The following CLEC4G variants were observed in gnomAD, a reference collection of about 807,000 sequenced individuals.
CLEC4G encodes C-type lectin superfamily 4, member G.
CLEC4G carries 34 observed loss-of-function variants against 37.0 expected under a neutral mutation model. That is an observed-to-expected ratio of 0.92 (90% CI 0.70 to 1.22). The LOEUF (loss-of-function observed/expected upper bound fraction) is 1.22. Ranked by LOEUF, CLEC4G falls within the 50% of genes most tolerant of loss-of-function variation. The pLI, the probability that CLEC4G is intolerant of heterozygous loss-of-function variation, is 0.00. For missense variants in CLEC4G, 390 were observed against 392.9 expected, an observed-to-expected ratio of 0.99 and a Z score of 0.06; for synonymous variants, 167 against 165.6, an observed-to-expected ratio of 1.01 and a Z score of -0.06.
At position 7,730,885 on chromosome 19, in the gene CLEC4G, G is replaced by T; in HGVS notation, c.284-26C>A. ...CTGGGAGCCGCAGGGTGAGAGGGGC[G>T]AGGGCGGCGAGGATGGGGCGGGACT... On this transcript the variant is annotated intron_variant, in intron 4 of 8. Transcript: ENST00000328853. The surrounding 1 kb of genome is among the most constrained non-coding windows in gnomAD (Gnocchi z 7.3). 6.6e-7 allele frequency: 1 copy of T among 1,526,022 alleles called. No individual in the cohort carries two copies. The highest frequency in any genetic ancestry group is 8.7e-7 in the Non-Finnish European group (1 of 1,142,876). The allele number at this position is 1,526,022 out of a possible 1,614,324, so 94.5% of individuals were successfully genotyped here.
chr19:7,729,819 A>G lies in CLEC4G; in HGVS notation c.743+2T>C. Reference sequence around the variant, plus strand: ...AGGTCTCACCAGGAGCCTTTCCCTCACCTGAAGCTGAGAGAGACTCCGTCC... The same window carrying G: ...AGGTCTCACCAGGAGCCTTTCCCTCGCCTGAAGCTGAGAGAGACTCCGTCC... On this transcript the variant is annotated splice_donor_variant, in intron 8 of 8. Transcript: ENST00000328853. LOFTEE classifies it high-confidence loss of function. 1 of 1,613,812 alleles carries G rather than the reference A, an allele frequency of 6.2e-7. No homozygotes were observed. Among genetic ancestry groups the G allele is most frequent in the Non-Finnish European group, 8.5e-7 (1 of 1,179,956 alleles).
At chr19:7,729,526 G>A in intron 8 of CLEC4G, 22 bp from the exon 9 acceptor site, 1 of 1,559,516 alleles carries the variant, frequency 6.4e-7, no homozygotes, top group South Asian at 1.2e-5. Flanking sequence ...TTGAGTGGGG[G>A]TGTTGCTGGG....
rs1473476962 is a variant in CLEC4G at position 7,730,711 on chromosome 19, G to A, written c.388+44C>T. The A allele has an allele frequency of 2.0e-6, 3 of 1,508,756 alleles. No individual in the cohort carries two copies. In the South Asian group the frequency reaches 3.7e-5, roughly 19 times the overall value. The allele number at this position is 1,508,756 out of a possible 1,614,324, so 93.5% of individuals were successfully genotyped here. A position where few individuals can be genotyped will look rare whatever the true frequency, so the allele number is the denominator to read the frequency against. On this transcript the variant is annotated intron_variant, in intron 5 of 8. Coordinates refer to ENST00000328853, the MANE Select transcript of CLEC4G (RefSeq NM_198492.4). This position sits in a 1 kb window ranked among gnomAD's most constrained non-coding sequence, Gnocchi z 7.3. ...CACTCAGGACGGGGTCGGGGTCGGG[G>A]GACGCGGCCAGGGCTCAGGGCCGGG...
rs372921427 is a variant in CLEC4G, at chr19:7,729,150, C to G, written c.*216G>C. 1.0e-5 allele frequency: 7 copies of G among 677,748 alleles called. No individual in the cohort carries two copies. The highest frequency in any genetic ancestry group is 1.9e-5 in the Non-Finnish European group (7 of 368,656). 42.0% of individuals were successfully genotyped at this position (677,748 alleles called of 1,614,324 possible). A position where few individuals can be genotyped will look rare whatever the true frequency, so the allele number is the denominator to read the frequency against. ...GGAGCTAGTGGAGGTTAGGTTGGGT[C>G]TGCGTGAGTGGAGTTAGGATGAGGT... On this transcript the variant is annotated 3_prime_UTR_variant, in exon 9 of 9. Transcript: ENST00000328853.
intron 8 of CLEC4G, 55 bp downstream of exon 8, chr19:7,729,766 C>T: frequency 6.2e-7 from 1 of 1,606,524 alleles, no homozygotes; most frequent in Non-Finnish European, 8.5e-7. Flanking sequence ...AAAGCATGTC[C>T]TCTAGAGCCT....
chr19:7,730,386 A>G lies in CLEC4G; in HGVS notation c.443T>C (p.Leu148Pro). The change falls in exon 6 of 9, where the codon CTG becomes CCG. Residue 148 changes from leucine to proline, a missense_variant. Physicochemically the swap from Leu to Pro is moderately conservative, Grantham distance 98. Coordinates refer to ENST00000328853, the MANE Select transcript of CLEC4G (RefSeq NM_198492.4). The surrounding 1 kb of genome is among the most constrained non-coding windows in gnomAD (Gnocchi z 7.3). Reference protein sequence around the residue: ...GRGREDVRTELFRALEAVRLQ... With the variant: ...GRGREDVRTEPFRALEAVRLQ... Reference sequence around the variant, plus strand: ...CCTCACGGCCTCCAGCGCCCGGAACAGCTCAGTGCGGACGTCCTCACGGCC... The same window carrying G: ...CCTCACGGCCTCCAGCGCCCGGAACGGCTCAGTGCGGACGTCCTCACGGCC... 1 of 1,603,024 alleles carries G rather than the reference A, an allele frequency of 6.2e-7. No homozygotes were observed. The highest frequency in any genetic ancestry group is 8.5e-7 in the Non-Finnish European group (1 of 1,179,836).
Position 7,729,407 on chromosome 19 carries a change from C to G in CLEC4G, c.841G>C (p.Glu281Gln). ...GLWNDAPCDSEKDGWICEKRH... is the reference protein window; with the variant it reads ...GLWNDAPCDSQKDGWICEKRH... ...TTCTCACAGATCCAGCCGTCCTTCT[C>G]GCTGTCACACGGTGCGTCGTTCCAC... Residue 281 changes from glutamate to glutamine, a missense_variant, in exon 9 of 9, where the codon GAG (glutamate) becomes CAG (glutamine). Coordinates refer to ENST00000328853, the MANE Select transcript of CLEC4G (RefSeq NM_198492.4). The G allele has an allele frequency of 6.2e-7, 1 of 1,608,820 alleles. No homozygotes were observed. The highest frequency in any genetic ancestry group is 1.1e-5 in the South Asian group (1 of 90,976).
Position 7,730,759 on chromosome 19 carries a change from C to T in CLEC4G, c.384G>A (p.Glu128=). ...EQESALRELR[E]RVTQGLAEAG... ...GGGGTCGCGTCGGGCCCTCACCGCGCTCACGCAGTTCCCGCAGGGCGCTCT... is the reference window on the plus strand; with the variant it reads ...GGGGTCGCGTCGGGCCCTCACCGCGTTCACGCAGTTCCCGCAGGGCGCTCT... The change falls in exon 5 of 9, where the codon GAG becomes GAA. Residue 128 remains glutamate (E), a synonymous_variant. Transcript: ENST00000328853. The surrounding 1 kb of genome is among the most constrained non-coding windows in gnomAD (Gnocchi z 7.3). The T allele has an allele frequency of 1.3e-6, 2 of 1,531,906 alleles. No individual in the cohort carries two copies. Among genetic ancestry groups the T allele is most frequent in the African/African-American group, 2.7e-5 (2 of 72,866 alleles). 94.9% of individuals were successfully genotyped at this position (1,531,906 alleles called of 1,614,324 possible).
chr19:7,731,854 A>G, intron 1 of CLEC4G, 83 bp from the exon 2 acceptor site: 1 of 1,544,516 alleles, frequency 6.5e-7, no homozygotes, highest in Non-Finnish European at 8.7e-7. Context: ...TGAGATTCAG[A>G]GAAGTTAAGT....
Position 7,730,417 on chromosome 19 carries a change from C to G in CLEC4G, c.412G>C (p.Gly138Arg), listed in dbSNP as rs140612695. 3 of 1,601,698 alleles carry G rather than the reference C, an allele frequency of 1.9e-6. No homozygotes were observed. Among genetic ancestry groups the G allele is most frequent in the African/African-American group, 1.3e-5 (1 of 74,938 alleles). Residue 138 changes from glycine (G) to arginine (R), a missense_variant, in exon 6 of 9, where the codon GGC becomes CGC. Gly to Arg is a moderately radical substitution (Grantham distance 125). Transcript: ENST00000328853. The surrounding 1 kb of genome is among the most constrained non-coding windows in gnomAD (Gnocchi z 7.3). ...GTGCGGACGTCCTCACGGCCCCTGC[C>G]GGCTTCAGCCAAGCCCTGGGTCACT... ...ERVTQGLAEA[G>R]RGREDVRTEL...
Position 7,730,155 on chromosome 19 carries a change from G to T in CLEC4G, c.491C>A (p.Pro164Gln). 1 of 1,612,502 alleles carries T rather than the reference G, an allele frequency of 6.2e-7. No homozygotes were observed. Among genetic ancestry groups the T allele is most frequent in the Non-Finnish European group, 8.5e-7 (1 of 1,179,548 alleles). Residue 164 changes from proline (P) to glutamine (Q), a missense_variant, in exon 7 of 9, where the codon CCG becomes CAG. Physicochemically the swap from Pro to Gln is moderately conservative, Grantham distance 76 (BLOSUM62 -1). Transcript: ENST00000328853. The surrounding 1 kb of genome is among the most constrained non-coding windows in gnomAD (Gnocchi z 7.3). Reference sequence around the variant, plus strand: ...GAAGGACAGCCACGACGTGGGGCACGGCTCGCAGGAGTCTGCGGGGTGGCG... The same window carrying T: ...GAAGGACAGCCACGACGTGGGGCACTGCTCGCAGGAGTCTGCGGGGTGGCG... ...AVRLQNNSCE[P>Q]CPTSWLSFEG...
At position 7,730,149 on chromosome 19, in the gene CLEC4G, G is replaced by T; in HGVS notation, c.497C>A (p.Pro166His). 1 of 1,612,988 alleles carries T rather than the reference G, an allele frequency of 6.2e-7. No homozygotes were observed. The highest frequency in any genetic ancestry group is 8.5e-7 in the Non-Finnish European group (1 of 1,179,706). The change falls in exon 7 of 9, where the codon CCC becomes CAC. Residue 166 changes from proline to histidine, a missense_variant. Physicochemically the swap from Pro to His is moderately conservative, Grantham distance 77 (BLOSUM62 -2). Coordinates refer to ENST00000328853, the MANE Select transcript of CLEC4G (RefSeq NM_198492.4). This position sits in a 1 kb window ranked among gnomAD's most constrained non-coding sequence, Gnocchi z 7.3. ...GCCCTCGAAGGACAGCCACGACGTGGGGCACGGCTCGCAGGAGTCTGCGGG... is the reference window on the plus strand; with the variant it reads ...GCCCTCGAAGGACAGCCACGACGTGTGGCACGGCTCGCAGGAGTCTGCGGG... Reference protein sequence around the residue: ...RLQNNSCEPCPTSWLSFEGSC... With the variant: ...RLQNNSCEPCHTSWLSFEGSC...
In CLEC4G at chr19:7,729,856, G is replaced by A; in HGVS notation, c.708C>T (p.Gly236=). ...GAGAGACTCCGTCCACCCACTGGTA[G>A]CCCTGAACCTTGCCCAGATGGCGCA... ...RAVRHLGKVQ[G]YQWVDGVSLS... is the part of the protein sequence containing the mutation. Residue 236 remains glycine (G), a synonymous_variant, in exon 8 of 9, where the codon GGC becomes GGT. Coordinates refer to ENST00000328853, the MANE Select transcript of CLEC4G (RefSeq NM_198492.4). 1 of 1,614,142 alleles carries A rather than the reference G, an allele frequency of 6.2e-7. No individual in the cohort carries two copies. Among genetic ancestry groups the A allele is most frequent in the Admixed American group, 1.7e-5 (1 of 60,010 alleles).
Position 7,731,764 on chromosome 19 carries a change from C to T in CLEC4G, c.63G>A (p.Trp21Ter), listed in dbSNP as rs1322156284. ...TCCTGCTCCAGTGCACCCAGCGTCCCCAGGGCCCTGGCATAACAAGGACGG... is the reference window on the plus strand; with the variant it reads ...TCCTGCTCCAGTGCACCCAGCGTCCTCAGGGCCCTGGCATAACAAGGACGG... ...GSSEEVPGGP[W>*]GRWVHWSRRP... Residue 21 changes from tryptophan (W) to a stop codon, truncating the protein, a stop_gained, in exon 2 of 9, where the codon TGG becomes TGA. Coordinates refer to ENST00000328853, the MANE Select transcript of CLEC4G (RefSeq NM_198492.4). LOFTEE classifies it high-confidence loss of function. 1 of 1,613,310 alleles carries T rather than the reference C, an allele frequency of 6.2e-7. No individual in the cohort carries two copies. The highest frequency in any genetic ancestry group is 1.7e-5 in the Admixed American group (1 of 59,860).
chr19:7,729,538 A>C, intron 8 of CLEC4G, 34 bp from the exon 9 acceptor site: 1 of 1,524,502 alleles, frequency 6.6e-7, no homozygotes, highest in Non-Finnish European at 8.9e-7. Context: ...GTTGCTGGGA[A>C]TCTAGACAGA....
At chr19:7,729,609 C>T in intron 8 of CLEC4G, 105 bp from the exon 9 acceptor site, 1 of 1,188,692 alleles carries the variant, frequency 8.4e-7, no homozygotes, top group Non-Finnish European at 1.2e-6. Context: ...CTTGGGTCTA[C>T]TCTAGACACC....
In CLEC4G at chr19:7,731,037, C is replaced by A. The variant is rs201366492; in HGVS notation, c.272G>T (p.Cys91Phe). The A allele has an allele frequency of 6.2e-7, 1 of 1,603,602 alleles. No individual in the cohort carries two copies. The highest frequency in any genetic ancestry group is 1.1e-5 in the South Asian group (1 of 90,968). ...CCGCGCCCCCTCACAGCAGCTGTGG[C>A]AGTCTCCGACCTCCTCCTTCAGGGC... ...LGALKEEVGD[C>F]HSCCSGTQAQ... is the part of the protein sequence containing the mutation. Residue 91 changes from cysteine to phenylalanine, a missense_variant, in exon 4 of 9, where the codon TGC (cysteine) becomes TTC (phenylalanine). Coordinates refer to ENST00000328853, the MANE Select transcript of CLEC4G (RefSeq NM_198492.4).
intron 3 of CLEC4G, 79 bp from the exon 4 acceptor site, chr19:7,731,167 G>A: frequency 1.3e-6 from 2 of 1,588,228 alleles, no homozygotes; most frequent in South Asian, 2.2e-5. Context: ...CAGCCTCAGG[G>A]ACCATAGGGC....
chr19:7,731,451 C>G (rs1169016474), intron 2 of CLEC4G, 132 bp from the exon 3 acceptor site: 2 of 1,480,498 alleles, frequency 1.4e-6, no homozygotes, highest in East Asian at 2.5e-5. Flanking sequence ...TGTGCACACA[C>G]GCCGATGGGA....
Sources: gnomAD v4.1 joint callset for allele counts on GRCh38, gnomAD v4.1.1 for gene constraint, Gnocchi (gnomAD v3.1) non-coding constraint, MANE v1.5 for transcripts, NCBI Gene and HGNC (gene_info 2026-07-23, HGNC 2026-07-21) for gene names.